ATP11A: variants seen among roughly 807,000 people sequenced by gnomAD.
ATP11A encodes the protein phospholipid-transporting ATPase IH.
ATP11A carries 81 observed loss-of-function variants against 154.4 expected under a neutral mutation model. The ratio of observed to expected loss-of-function variants is 0.52; its 90% CI spans 0.44 to 0.63. The LOEUF (loss-of-function observed/expected upper bound fraction) is 0.63. Ranked by LOEUF, ATP11A falls within the 30% of genes least tolerant of loss-of-function variation. The probability of loss-of-function intolerance (pLI) is 0.00; values close to 1 mark genes in which losing one functional copy is unlikely to be tolerated. For synonymous variants in ATP11A, 623 were observed against 585.9 expected (o/e 1.06, Z -0.91); for missense variants, 1,316 against 1,474.3 (o/e 0.89, Z 1.76).
chr13:112,763,447 C>T (rs778675094), intron 1 of ATP11A, among the ~76,000 whole-genome samples: 2 of 152,198 alleles, frequency 1.3e-5, no homozygotes, highest in Non-Finnish European at 2.9e-5. Context: ...CGATAGCAGG[C>T]CCTGAGAGAA....
intron 1 of ATP11A, among the ~76,000 whole-genome samples, chr13:112,725,611 G>T (rs969722521): frequency 3.3e-5 from 5 of 152,196 alleles, no homozygotes; most frequent in African/African-American, 9.6e-5. Context: ...CTTTTCTCGT[G>T]TGTAGTAATG....
At chr13:112,847,931 C>G (rs1343027181) in intron 17 of ATP11A, among the ~76,000 whole-genome samples, 2 of 152,156 alleles carry the variant, frequency 1.3e-5, no homozygotes, top group East Asian at 1.9e-4. Flanking sequence ...ACAAAACATA[C>G]AAAAGGAAAA....
rs1367203668 is a variant in ATP11A at position 112,851,222 on chromosome 13, A to G, written c.1991+4A>G. ...GTGCTACAGCTGTTGAGGACCGGTAAAGTAAACGCATGCATCCCGTCCTGA... is the reference window on the plus strand; with the variant it reads ...GTGCTACAGCTGTTGAGGACCGGTAGAGTAAACGCATGCATCCCGTCCTGA... On this transcript the variant is annotated splice_donor_region_variant and intron_variant, in intron 18 of 29. Transcript: ENST00000375645. 6.2e-7 allele frequency: 1 copy of G among 1,610,902 alleles called. No individual in the cohort carries two copies. The highest frequency in any genetic ancestry group is 8.5e-7 in the Non-Finnish European group (1 of 1,178,206).
At chr13:112,823,491 G>A (rs1346921275) in intron 9 of ATP11A, 82 bp downstream of exon 9, 110 of 1,193,920 alleles carry the variant, frequency 9.2e-5, no homozygotes, top group Non-Finnish European at 1.0e-4. Flanking sequence ...AGCGGAACCC[G>A]AGAGCGTTTC....
At chr13:112,864,132 G>A (rs1204845715) in intron 25 of ATP11A, among the ~76,000 whole-genome samples, 13 of 54,972 alleles carry the variant, frequency 2.4e-4, no homozygotes, top group Admixed American at 5.1e-4. Flanking sequence ...AGTGCAGCAC[G>A]TGCAGCTTCC....
At position 112,858,208 on chromosome 13, in the gene ATP11A, A is replaced by G. The variant is rs1441058297; in HGVS notation, c.2585A>G (p.Lys862Arg). Residue 862 changes from lysine (K) to arginine (R), a missense_variant, in exon 22 of 30, where the codon AAG becomes AGG. Physicochemically the swap from Lys to Arg is conservative, Grantham distance 26. Around this residue, in one of 5 missense-constraint regions of ATP11A, gnomAD observed 876 missense variants for 1,006.8 expected, o/e 0.87. Coordinates refer to ENST00000375645, the MANE Select transcript of ATP11A (RefSeq NM_015205.3). ...AGCGACTATGCAATCCCAAAGTTTA[A>G]GCATTTGAAGAAGATGCTGCTTGTT... ...RNSDYAIPKFKHLKKMLLVHG... is the reference protein window; with the variant it reads ...RNSDYAIPKFRHLKKMLLVHG... 4 of 1,614,024 alleles carry G rather than the reference A, an allele frequency of 2.5e-6. No homozygotes were observed. The Admixed American group carries it at 6.7e-5, about 27-fold the overall frequency.
At chr13:112,799,255 G>A (rs2078073906) in intron 2 of ATP11A, among the ~76,000 whole-genome samples, 1 of 152,224 alleles carries the variant, frequency 6.6e-6, no homozygotes, top group East Asian at 1.9e-4. Flanking sequence ...TAAGGACACG[G>A]TTGAACTGAA....
intron 5 of ATP11A, among the ~76,000 whole-genome samples, chr13:112,811,161 A>ACCACACACACAC (rs2078484592): frequency 8.7e-6 from 1 of 115,582 alleles, no homozygotes; most frequent in Non-Finnish European, 1.7e-5. Flanking sequence ...TGCCCCTTCC[A>ACCACACACACAC]ACACACACAC....
At chr13:112,732,573 A>G (rs1021041910) in intron 1 of ATP11A, among the ~76,000 whole-genome samples, 1 of 152,190 alleles carries the variant, frequency 6.6e-6, no homozygotes, top group Non-Finnish European at 1.5e-5. Flanking sequence ...AAAAGCACTT[A>G]CAAATTTATT....
At chr13:112,739,085 A>G (rs1891280813) in intron 1 of ATP11A, among the ~76,000 whole-genome samples, 1 of 152,242 alleles carries the variant, frequency 6.6e-6, no homozygotes, top group South Asian at 2.1e-4. Context: ...GATATGGTAT[A>G]AAAAGCATAA....
At chr13:112,822,420 TC>T (rs2078821404) in intron 8 of ATP11A, among the ~76,000 whole-genome samples, 1 of 152,118 alleles carries the variant, frequency 6.6e-6, no homozygotes, top group Non-Finnish European at 1.5e-5. Context: ...TTGCTTGTTT[TC>T]CCCCCAAAGC....
At chr13:112,837,483 A>G (rs1699734718) in intron 16 of ATP11A, among the ~76,000 whole-genome samples, 1 of 152,198 alleles carries the variant, frequency 6.6e-6, no homozygotes, top group Admixed American at 6.5e-5. Context: ...TCTCAGCAAC[A>G]CGCTGACGTC....
intron 1 of ATP11A, among the ~76,000 whole-genome samples, chr13:112,695,693 T>C (rs1425758682): frequency 6.6e-6 from 1 of 152,212 alleles, no homozygotes; most frequent in Non-Finnish European, 1.5e-5. Flanking sequence ...TAAAAATACA[T>C]AGTTGCTTAA....
intron 1 of ATP11A, among the ~76,000 whole-genome samples, chr13:112,776,843 C>G (rs1380504630): frequency 6.6e-6 from 1 of 152,156 alleles, no homozygotes; most frequent in Non-Finnish European, 1.5e-5. Context: ...GTGATCCACC[C>G]ACCTTGGCCT....
chr13:112,873,527 A>G (rs750806126), intron 26 of ATP11A, 46 bp from the exon 27 acceptor site: 4 of 1,433,514 alleles, frequency 2.8e-6, no homozygotes, highest in South Asian at 1.3e-5. Context: ...GATCATTCTC[A>G]CTGCTCAGAT....
At chr13:112,728,929 G>A (rs1464467845) in intron 1 of ATP11A, among the ~76,000 whole-genome samples, 4 of 152,172 alleles carry the variant, frequency 2.6e-5, no homozygotes. Flanking sequence ...GTGGCCCACT[G>A]CAAACTCCAC....
intron 1 of ATP11A, among the ~76,000 whole-genome samples, chr13:112,701,580 C>T (rs991278090): frequency 2.0e-5 from 3 of 152,282 alleles, no homozygotes; most frequent in Admixed American, 6.5e-5. Context: ...TGCCTGTAAT[C>T]GCAGCACTTT....
At chr13:112,860,098 C>T (rs542415462) in intron 23 of ATP11A, among the ~76,000 whole-genome samples, 189 bp from the exon 24 acceptor site, 1 of 150,716 alleles carries the variant, frequency 6.6e-6, no homozygotes, top group Admixed American at 6.6e-5. Context: ...CAGTGTTAGG[C>T]TTTTTGCCAG....
chr13:112,835,339 C>A (rs1215793457), intron 15 of ATP11A, among the ~76,000 whole-genome samples: 1 of 152,198 alleles, frequency 6.6e-6, no homozygotes, highest in Non-Finnish European at 1.5e-5. Context: ...TGGTGATGGC[C>A]TCAAAACACG....
Sources: gnomAD v4.1 joint callset for allele counts (sites outside exome capture counted in the v4.1 genomes callset) on GRCh38, gnomAD v4.1.1 for gene constraint, gnomAD v4.1.1 regional missense constraint, MANE v1.5 for transcripts, NCBI Gene and HGNC (gene_info 2026-07-23, HGNC 2026-07-21) for gene names.